The following NRXN1 variants were observed in gnomAD, a reference collection of about 807,000 sequenced individuals.
The protein encoded by NRXN1 is neurexin-1.
Under a neutral mutation model 150.9 loss-of-function variants are expected in NRXN1, and 39 were observed. The observed-to-expected ratio is 0.26, with a 90% CI of 0.20 to 0.34. The LOEUF (loss-of-function observed/expected upper bound fraction) is 0.34, where lower values mean the gene tolerates loss of function less well. NRXN1 is among the 10% of genes least tolerant of loss of function. The pLI, the probability that NRXN1 is intolerant of heterozygous loss-of-function variation, is 1.00. For synonymous variants in NRXN1, 924 were observed against 757.0 expected (o/e 1.22, Z -3.62); for missense variants, 1,815 against 1,949.9 (o/e 0.93, Z 1.30).
At chr2:50,754,797 CAGAGCA>C (rs546926460) in intron 5 of NRXN1, among the ~76,000 whole-genome samples, 36 of 151,958 alleles carry the variant, frequency 2.4e-4, no homozygotes, top group Admixed American at 3.9e-4. Flanking sequence ...TATTATAGCT[CAGAGCA>C]ATGCTCATTA....
At position 50,186,824 on chromosome 2, in the gene NRXN1, T is replaced by C. The variant is rs533982640; in HGVS notation, c.3546+49965A>G. On this transcript the variant is annotated intron_variant, in intron 18 of 22. Coordinates refer to ENST00000401669, the MANE Select transcript of NRXN1 (RefSeq NM_001330078.2). ...TGTAGTTTTTAATTGACTATTAAGA[T>C]ACACAATCTTTTAAAAATTTCAAAA... is the stretch of plus-strand genomic sequence containing the variant. Among the ~76,000 whole-genome samples, 50 of 152,194 alleles carry C rather than the reference T, an allele frequency of 3.3e-4. No homozygotes were observed. In the South Asian group the frequency reaches 7.3e-3, roughly 22 times the overall value.
At chr2:50,358,288 C>T (rs1019245451) in intron 17 of NRXN1, among the ~76,000 whole-genome samples, 7 of 152,180 alleles carry the variant, frequency 4.6e-5, no homozygotes, top group South Asian at 2.1e-4. Context: ...TCTTGCTCAG[C>T]GAATCCCACC....
chr2:50,996,886 AG>A (rs1352898912), intron 2 of NRXN1, among the ~76,000 whole-genome samples: 1 of 152,034 alleles, frequency 6.6e-6, no homozygotes, highest in African/African-American at 2.4e-5. Flanking sequence ...CAAACTCGTG[AG>A]GGGGGAGTAA....
intron 21 of NRXN1, among the ~76,000 whole-genome samples, chr2:50,043,955 A>G (rs1239934025): frequency 6.6e-6 from 1 of 152,102 alleles, no homozygotes; most frequent in Non-Finnish European, 1.5e-5. Flanking sequence ...GGCCTAGCAT[A>G]TGGAAGGAAG....
intron 19 of NRXN1, among the ~76,000 whole-genome samples, chr2:50,061,137 T>G (rs974266979): frequency 6.6e-6 from 1 of 152,206 alleles, no homozygotes; most frequent in African/African-American, 2.4e-5. Context: ...TTTCTCAAGA[T>G]GTATTTTATT....
At chr2:49,973,937 G>A (rs555040189) in intron 21 of NRXN1, 4 of 715,846 alleles carry the variant, frequency 5.6e-6, no homozygotes, top group South Asian at 1.5e-5. Context: ...TCTAAGCTGT[G>A]CTCAGCAGCG....
At chr2:50,727,039 G>A (rs1056140401) in intron 5 of NRXN1, among the ~76,000 whole-genome samples, 1 of 151,866 alleles carries the variant, frequency 6.6e-6, no homozygotes, top group African/African-American at 2.4e-5. Context: ...AATGCCTTTT[G>A]GAGCTCATGG....
intron 17 of NRXN1, among the ~76,000 whole-genome samples, chr2:50,408,875 C>CTCTCTCTCT (rs2082950002): frequency 2.1e-5 from 3 of 141,730 alleles, no homozygotes; most frequent in East Asian, 2.1e-4. Context: ...CTCTCTCTCT[C>CTCTCTCTCT]ATATTTATAT....
intron 2 of NRXN1, chr2:50,985,470 T>A (rs1327154761): frequency 6.6e-6 from 1 of 151,728 alleles, no homozygotes; most frequent in Non-Finnish European, 1.5e-5. Flanking sequence ...AAATTCTGAA[T>A]CTAGAATGTT....
At chr2:50,865,658 GTTTTTTTTTTTTTTTTTT>G (rs71404978) in intron 5 of NRXN1, among the ~76,000 whole-genome samples, 1 of 41,832 alleles carries the variant, frequency 2.4e-5, no homozygotes, top group Admixed American at 4.1e-4. Context: ...GCATTTGAAA[GTTTTTTTTTTTTTTTTTT>G]TTTTTTTTTT....
intron 5 of NRXN1, among the ~76,000 whole-genome samples, chr2:50,828,062 G>T (rs9751942): frequency 6.7e-6 from 1 of 148,346 alleles, no homozygotes; most frequent in Non-Finnish European, 1.5e-5. Flanking sequence ...ACCTTTCCCC[G>T]CTTTCTATTC....
intron 5 of NRXN1, among the ~76,000 whole-genome samples, chr2:50,711,588 G>A (rs1397302858): frequency 3.3e-5 from 5 of 151,780 alleles, no homozygotes; most frequent in Middle Eastern, 3.2e-3. Context: ...CAGTCACCTC[G>A]GCCTCCCAAA....
chr2:50,739,348 A>G (rs920359096), intron 5 of NRXN1: 13 of 395,530 alleles, frequency 3.3e-5, no homozygotes, highest in Non-Finnish European at 6.3e-5. Flanking sequence ...TACTAGTCAC[A>G]AAGTGAAATG....
intron 18 of NRXN1, among the ~76,000 whole-genome samples, chr2:50,151,316 A>G (rs1466926625): frequency 6.6e-6 from 1 of 151,792 alleles, no homozygotes; most frequent in Non-Finnish European, 1.5e-5. Flanking sequence ...AATCATATTC[A>G]TTAATAGTGC....
At chr2:50,868,114 T>A (rs1677197076) in intron 5 of NRXN1, among the ~76,000 whole-genome samples, 1 of 132,782 alleles carries the variant, frequency 7.5e-6, no homozygotes, top group African/African-American at 2.7e-5. Context: ...TATGTGTCCA[T>A]CACTGGATGA....
At chr2:50,671,637 C>T (rs1056990899) in intron 5 of NRXN1, among the ~76,000 whole-genome samples, 1 of 151,548 alleles carries the variant, frequency 6.6e-6, no homozygotes, top group African/African-American at 2.4e-5. Context: ...AGAAAGCATG[C>T]TGGCCTTGAG....
intron 17 of NRXN1, among the ~76,000 whole-genome samples, chr2:50,282,894 T>C (rs1318725913): frequency 6.6e-6 from 1 of 152,176 alleles, no homozygotes; most frequent in African/African-American, 2.4e-5. Flanking sequence ...TAATCTCACT[T>C]TGAAGTCAAA....
At chr2:49,998,356 T>C (rs898557703) in intron 21 of NRXN1, among the ~76,000 whole-genome samples, 3 of 152,210 alleles carry the variant, frequency 2.0e-5, no homozygotes. Flanking sequence ...AATGCCCATG[T>C]ATATACACAT....
chr2:50,542,155 C>T (rs1320983082), intron 9 of NRXN1, among the ~76,000 whole-genome samples: 2 of 152,076 alleles, frequency 1.3e-5, no homozygotes, highest in African/African-American at 4.8e-5. Context: ...GTGGTGCATG[C>T]CTGTAATCTC....
Sources: allele counts gnomAD v4.1 joint callset (sites outside exome capture counted in the v4.1 genomes callset), GRCh38; gene constraint gnomAD v4.1.1; transcripts MANE v1.5; gene names NCBI Gene and HGNC (gene_info 2026-07-23, HGNC 2026-07-21).